SLC10A7: variants seen among roughly 807,000 people sequenced by gnomAD.
The protein encoded by SLC10A7 is sodium/bile acid cotransporter 7.
SLC10A7 carries 29 observed loss-of-function variants against 43.2 expected under a neutral mutation model. The observed-to-expected ratio is 0.67, with a 90% confidence interval of 0.50 to 0.92. The LOEUF is 0.92. SLC10A7 is among the 40% of genes least tolerant of loss of function. The pLI is 0.00. For missense variants in SLC10A7, 295 were observed against 403.2 expected, an observed-to-expected ratio of 0.73 and a Z score of 2.30; for synonymous variants, 152 against 144.8, an observed-to-expected ratio of 1.05 and a Z score of -0.35.
chr4:146,424,916 C>T (rs752173169), intron 5 of SLC10A7, among the ~76,000 whole-genome samples: 1 of 152,022 alleles, frequency 6.6e-6, no homozygotes, highest in Non-Finnish European at 1.5e-5. Context: ...GAAAAGCAAT[C>T]TACCATGATG....
intron 10 of SLC10A7, among the ~76,000 whole-genome samples, chr4:146,278,794 G>T (rs926076750): frequency 1.6e-4 from 24 of 152,074 alleles, no homozygotes; most frequent in African/African-American, 5.8e-4. Flanking sequence ...GAGGCCTATG[G>T]CAATTAAGTG....
intron 5 of SLC10A7, among the ~76,000 whole-genome samples, chr4:146,340,993 T>TA (rs1374150262): frequency 3.3e-5 from 5 of 151,272 alleles, no homozygotes; most frequent in East Asian, 1.9e-4. Context: ...TTTGACAGTT[T>TA]AAAAAAAAAT....
intron 5 of SLC10A7, among the ~76,000 whole-genome samples, chr4:146,378,628 T>C (rs1227580346): frequency 6.6e-6 from 1 of 152,242 alleles, no homozygotes; most frequent in Non-Finnish European, 1.5e-5. Flanking sequence ...ACATGTCTAT[T>C]TTCTAGTCTA....
rs549231189 is a variant in SLC10A7, at chr4:146,401,722, C to A, written c.435+41061G>T. ...GTGTGATTCGAAATACCACTATCTT[C>A]CCATTATAAAACACTGTGGATTCCA... On this transcript the variant is annotated intron_variant, in intron 5 of 11. Transcript: ENST00000335472. Among the ~76,000 whole-genome samples the A allele has an allele frequency of 5.3e-5, 8 of 152,172 alleles. No individual in the cohort carries two copies. In the East Asian group the frequency reaches 5.8e-4, roughly 11 times the overall value.
At chr4:146,395,302 T>C (rs2149809381) in intron 5 of SLC10A7, among the ~76,000 whole-genome samples, 1 of 152,224 alleles carries the variant, frequency 6.6e-6, no homozygotes, top group Non-Finnish European at 1.5e-5. Context: ...GGCAGGAGGA[T>C]TGCTTTGGGC....
At chr4:146,297,294 T>G (rs1366576326) in intron 7 of SLC10A7, among the ~76,000 whole-genome samples, 1 of 152,190 alleles carries the variant, frequency 6.6e-6, no homozygotes, top group Non-Finnish European at 1.5e-5. Flanking sequence ...TGATTTTCTT[T>G]ATTCTAAATT....
intron 9 of SLC10A7, among the ~76,000 whole-genome samples, chr4:146,284,325 A>G (rs1271286935): frequency 6.6e-6 from 1 of 152,136 alleles, no homozygotes; most frequent in Non-Finnish European, 1.5e-5. Flanking sequence ...AAGAGACCCA[A>G]TCATTTCCCT....
chr4:146,466,904 G>A (rs1020537537), intron 4 of SLC10A7, among the ~76,000 whole-genome samples: 1 of 152,070 alleles, frequency 6.6e-6, no homozygotes, highest in Non-Finnish European at 1.5e-5. Flanking sequence ...GAAAGCCTAG[G>A]ATGAAGCACC....
At chr4:146,412,605 T>C (rs2149834703) in intron 5 of SLC10A7, among the ~76,000 whole-genome samples, 1 of 152,250 alleles carries the variant, frequency 6.6e-6, no homozygotes, top group Non-Finnish European at 1.5e-5. Context: ...CATTTTTATA[T>C]GGAGGATTTA....
At chr4:146,464,275 T>C (rs550495549) in intron 4 of SLC10A7, among the ~76,000 whole-genome samples, 18 of 152,252 alleles carry the variant, frequency 1.2e-4, no homozygotes, top group Admixed American at 3.9e-4. Context: ...AGTGGACAAA[T>C]AGAGTTACAA....
At position 146,389,148 on chromosome 4, in the gene SLC10A7, T is replaced by C. The variant is rs145012198; in HGVS notation, c.435+53635A>G. 3.2e-4 allele frequency among the ~76,000 whole-genome samples: 48 copies of C among 152,186 alleles called. No individual in the cohort carries two copies. In the East Asian group the frequency reaches 7.8e-3, roughly 25 times the overall value. On this transcript the variant is annotated intron_variant, in intron 5 of 11. Coordinates refer to ENST00000335472, the MANE Select transcript of SLC10A7 (RefSeq NM_001029998.6). Reference sequence around the variant, plus strand: ...TGGACACAGAGTGGAACAATGGACATGGGAGACTCCAAAAGGTAGAAGAGT... The same window carrying C: ...TGGACACAGAGTGGAACAATGGACACGGGAGACTCCAAAAGGTAGAAGAGT...
chr4:146,473,963 A>G (rs1257002077), intron 4 of SLC10A7, among the ~76,000 whole-genome samples: 1 of 152,108 alleles, frequency 6.6e-6, no homozygotes, highest in African/African-American at 2.4e-5. Context: ...TGTTACCTTA[A>G]CAGTTTTTGC....
chr4:146,463,379 G>C (rs1732709607), intron 4 of SLC10A7, among the ~76,000 whole-genome samples: 2 of 152,130 alleles, frequency 1.3e-5, no homozygotes, highest in African/African-American at 2.4e-5. Context: ...TAATATTGCT[G>C]AAAGTGTGGT....
At position 146,476,434 on chromosome 4, in the gene SLC10A7, G is replaced by A. The variant is rs144795588; in HGVS notation, c.396+27415C>T. 9.1e-3 allele frequency among the ~76,000 whole-genome samples: 1,383 copies of A among 152,178 alleles called. 13 individuals are homozygous for A. Among genetic ancestry groups the A allele is most frequent in the Non-Finnish European group, 0.014 (935 of 67,990 alleles). Reference sequence around the variant, plus strand: ...ATTGACAACTTCTGAAAGACAAAACGAGGCGTTACCTTTCAGTCTTCTCTT... The same window carrying A: ...ATTGACAACTTCTGAAAGACAAAACAAGGCGTTACCTTTCAGTCTTCTCTT... On this transcript the variant is annotated intron_variant, in intron 4 of 11. Transcript: ENST00000335472.
chr4:146,414,462 G>A (rs1314924560), intron 5 of SLC10A7, among the ~76,000 whole-genome samples: 1 of 152,074 alleles, frequency 6.6e-6, no homozygotes, highest in Non-Finnish European at 1.5e-5. Flanking sequence ...GGTGGCTCAC[G>A]CCTGTAATCC....
intron 5 of SLC10A7, among the ~76,000 whole-genome samples, chr4:146,366,505 A>G (rs949363787): frequency 5.3e-5 from 8 of 152,104 alleles, no homozygotes; most frequent in African/African-American, 1.9e-4. Flanking sequence ...TGTCATGTCT[A>G]CTTCTTGGGG....
chr4:146,281,433 T>C (rs942690846), intron 10 of SLC10A7, among the ~76,000 whole-genome samples: 1 of 139,788 alleles, frequency 7.2e-6, no homozygotes, highest in Non-Finnish European at 1.6e-5. Flanking sequence ...ATCTTCAAAA[T>C]AGAAAAAAAA....
intron 4 of SLC10A7, among the ~76,000 whole-genome samples, chr4:146,489,745 A>G (rs1735227438): frequency 6.6e-6 from 1 of 152,154 alleles, no homozygotes. Context: ...GCATTTCTTT[A>G]CATCTCTAAG....
chr4:146,457,142 T>C lies in SLC10A7; in HGVS notation c.397-14321A>G, dbSNP rs74684142. Among the ~76,000 whole-genome samples, 148 of 152,110 alleles carry C rather than the reference T, an allele frequency of 9.7e-4. 1 individual carries two copies. In the East Asian group the frequency reaches 0.015, roughly 15 times the overall value. On this transcript the variant is annotated intron_variant, in intron 4 of 11. Coordinates refer to ENST00000335472, the MANE Select transcript of SLC10A7 (RefSeq NM_001029998.6). ...CCAATAAAACTTTATCTATGGATACTAAAATTTGATTTTTGTTTAATTTTC... is the reference window on the plus strand; with the variant it reads ...CCAATAAAACTTTATCTATGGATACCAAAATTTGATTTTTGTTTAATTTTC...
Sources: gnomAD v4.1 joint callset for allele counts (sites outside exome capture counted in the v4.1 genomes callset) on GRCh38, gnomAD v4.1.1 for gene constraint, MANE v1.5 for transcripts, NCBI Gene and HGNC (gene_info 2026-07-23, HGNC 2026-07-21) for gene names.